Variants in CFAP52 observed in about 807,000 individuals in gnomAD.
CFAP52 encodes cilia and flagella associated protein 52.
A neutral mutation model predicts 70.5 loss-of-function variants in CFAP52; 57 were observed. The observed-to-expected ratio is 0.81, with a 90% CI of 0.65 to 1.01. The LOEUF (loss-of-function observed/expected upper bound fraction) is 1.01. Ranked by LOEUF, CFAP52 falls within the 50% of genes least tolerant of loss-of-function variation. The pLI, the probability that CFAP52 is intolerant of heterozygous loss-of-function variation, is 0.00. For synonymous variants in CFAP52, 267 were observed against 292.5 expected, an observed-to-expected ratio of 0.91 and a Z score of 0.89; for missense variants, 785 against 788.5, an observed-to-expected ratio of 1.00 and a Z score of 0.05.
chr17:9,608,886 G>C (rs904873340), intron 7 of CFAP52, among the ~76,000 whole-genome samples: 1 of 152,102 alleles, frequency 6.6e-6, no homozygotes, highest in Non-Finnish European at 1.5e-5. Context: ...TTGGGGCTAA[G>C]GTATGTACAC....
At chr17:9,625,625 C>T (rs1262429618) in intron 8 of CFAP52, among the ~76,000 whole-genome samples, 2 of 151,590 alleles carry the variant, frequency 1.3e-5, no homozygotes, top group Non-Finnish European at 3.0e-5. Flanking sequence ...TTTCTACAGC[C>T]ACCATAGCTG....
At position 9,612,323 on chromosome 17, in the gene CFAP52, A is replaced by G. The variant is rs1597784188; in HGVS notation, c.869A>G (p.Gln290Arg). 1.2e-6 allele frequency: 2 copies of G among 1,614,116 alleles called. No individual in the cohort carries two copies. Among genetic ancestry groups the G allele is most frequent in the Non-Finnish European group, 1.7e-6 (2 of 1,179,982 alleles). Residue 290 changes from glutamine (Q) to arginine (R), a missense_variant, in exon 8 of 14, where the codon CAA (glutamine) becomes CGA (arginine). Transcript: ENST00000352665. ...TCTCCCTAAAGGAAGATTCAGTTAC[A>G]AGGCGGCATCACTTCTATCACACTT... ...GYKPIKKIQL[Q>R]GGITSITLRG...
chr17:9,643,164 C>T lies in CFAP52; in HGVS notation c.1829C>T (p.Ala610Val). 1.9e-6 allele frequency: 3 copies of T among 1,612,062 alleles called. No homozygotes were observed. Among genetic ancestry groups the T allele is most frequent in the Non-Finnish European group, 2.5e-6 (3 of 1,179,166 alleles). The stretch of plus-strand genomic sequence containing the variant: ...ATTGTTAGTGTAAGTGCCGATGGAG[C>T]CATTTTGCGATGGAAGTACCCATAT... Reference protein sequence around the residue: ...QYIVSVSADGAILRWKYPYTS With the variant: ...QYIVSVSADGVILRWKYPYTS Residue 610 changes from alanine (A) to valine (V), a missense_variant, in exon 14 of 14, where the codon GCC becomes GTC. By Grantham distance (64) the Ala-to-Val change is moderately conservative (BLOSUM62 0). Coordinates refer to ENST00000352665, the MANE Select transcript of CFAP52 (RefSeq NM_145054.5).
intron 12 of CFAP52, among the ~76,000 whole-genome samples, chr17:9,640,347 T>A (rs938928948): frequency 2.6e-5 from 4 of 151,876 alleles, no homozygotes; most frequent in Admixed American, 6.6e-5. Flanking sequence ...CACCTCGGTA[T>A]TAAGCCCTGC....
chr17:9,608,108 T>C lies in CFAP52; in HGVS notation c.754-11T>C. ...TTTTGTGCTTTTTCTTAACACAGTT[T>C]TTCCCCCTAGGGAGTGTCAGCTATC... On this transcript the variant is annotated splice_polypyrimidine_tract_variant and intron_variant, in intron 6 of 13. Coordinates refer to ENST00000352665, the MANE Select transcript of CFAP52 (RefSeq NM_145054.5). 6 of 1,605,014 alleles carry C rather than the reference T, an allele frequency of 3.7e-6. No homozygotes were observed. Among genetic ancestry groups the C allele is most frequent in the Non-Finnish European group, 4.3e-6 (5 of 1,174,530 alleles).
intron 3 of CFAP52, among the ~76,000 whole-genome samples, chr17:9,589,589 C>T (rs1284777525): frequency 6.6e-6 from 1 of 151,948 alleles, no homozygotes; most frequent in Non-Finnish European, 1.5e-5. Flanking sequence ...AAAAATTAGC[C>T]GGGCATGGTG....
chr17:9,578,673 G>C (rs2033615935), intron 1 of CFAP52, among the ~76,000 whole-genome samples: 1 of 152,164 alleles, frequency 6.6e-6, no homozygotes, highest in African/African-American at 2.4e-5. Context: ...AGCCTCCAGA[G>C]TAGCTGGGAT....
Position 9,585,951 on chromosome 17 carries a change from A to G in CFAP52, c.249A>G (p.Gln83=). Residue 83 remains glutamine, a synonymous_variant, in exon 2 of 14, where the codon CAA becomes CAG. Transcript: ENST00000352665. ...SRSGEYIASG[Q]VTFMGFKADI... ...CTGGAGAGTACATCGCCTCCGGACA[A>G]GTCACATTCATGGGGTTCAAGGTGA... The G allele has an allele frequency of 6.2e-7, 1 of 1,613,502 alleles. No individual in the cohort carries two copies. The highest frequency in any genetic ancestry group is 8.5e-7 in the Non-Finnish European group (1 of 1,179,706).
chr17:9,612,196 G>C, intron 7 of CFAP52, 113 bp from the exon 8 acceptor site: 2 of 1,347,516 alleles, frequency 1.5e-6, no homozygotes, highest in South Asian at 2.7e-5. Context: ...TCACTTCTGT[G>C]AGGGCGTGTC....
intron 4 of CFAP52, among the ~76,000 whole-genome samples, chr17:9,594,682 A>C (rs542144873): frequency 1.4e-4 from 22 of 152,110 alleles, no homozygotes; most frequent in Non-Finnish European, 2.8e-4. Flanking sequence ...GGGTCTCATG[A>C]TCTGATAGTT....
chr17:9,600,143 T>C lies in CFAP52; in HGVS notation c.713T>C (p.Leu238Pro). The change falls in exon 6 of 14, where the codon CTG (leucine) becomes CCG (proline). Residue 238 changes from leucine (L) to proline (P), a missense_variant. Coordinates refer to ENST00000352665, the MANE Select transcript of CFAP52 (RefSeq NM_145054.5). ...DILKMNPRTK[L>P]LTDVGPAKDK... ...CTAAAAATGAACCCCAGGACTAAAC[T>C]GCTGACAGATGTTGGGCCTGCGAAG... 6.2e-7 allele frequency: 1 copy of C among 1,614,066 alleles called. No homozygotes were observed. The highest frequency in any genetic ancestry group is 8.5e-7 in the Non-Finnish European group (1 of 1,179,958).
intron 6 of CFAP52, among the ~76,000 whole-genome samples, chr17:9,601,585 G>A (rs1037009978): frequency 4.6e-5 from 7 of 152,022 alleles, no homozygotes; most frequent in Non-Finnish European, 8.8e-5. Flanking sequence ...TTACTAACTA[G>A]ATCTTAGATT....
chr17:9,576,694 G>C lies in CFAP52; in HGVS notation c.-2G>C, dbSNP rs775171372. 1 of 1,611,806 alleles carries C rather than the reference G, an allele frequency of 6.2e-7. No homozygotes were observed. Among genetic ancestry groups the C allele is most frequent in the East Asian group, 2.2e-5 (1 of 44,638 alleles). On this transcript the variant is annotated 5_prime_UTR_variant, in exon 1 of 14. Coordinates refer to ENST00000352665, the MANE Select transcript of CFAP52 (RefSeq NM_145054.5). ...GAGCAAAGTAATCAGAACCTCCCAA[G>C]GATGGATAACAAAATTTCGCCGGAG... is the stretch of plus-strand genomic sequence containing the variant.
intron 8 of CFAP52, among the ~76,000 whole-genome samples, chr17:9,623,972 A>C (rs1158743759): frequency 1.3e-5 from 2 of 152,202 alleles, no homozygotes; most frequent in Admixed American, 6.6e-5. Context: ...CACTGGTTAC[A>C]GAATTCTTGC....
rs76653197 is a variant in CFAP52, at chr17:9,623,566, G to A, written c.1026-5106G>A. On this transcript the variant is annotated intron_variant, in intron 8 of 13. Transcript: ENST00000352665. ...AGAAAAAATTTAAAATGTCTTGTGT[G>A]CTTACTTATATATTTGACTATTTCT... Among the ~76,000 whole-genome samples the A allele has an allele frequency of 3.0e-3, 454 of 152,252 alleles. 5 individuals carry two copies. The highest frequency in any genetic ancestry group is 0.01 in the Middle Eastern group (3 of 294).
intron 3 of CFAP52, among the ~76,000 whole-genome samples, chr17:9,593,646 G>A (rs1314204436): frequency 2.6e-5 from 4 of 151,874 alleles, no homozygotes; most frequent in Non-Finnish European, 5.9e-5. Context: ...AGTAAAGATG[G>A]GTTTTCACCA....
intron 6 of CFAP52, among the ~76,000 whole-genome samples, chr17:9,604,872 G>A (rs1259713656): frequency 6.6e-6 from 1 of 152,160 alleles, no homozygotes; most frequent in Non-Finnish European, 1.5e-5. Flanking sequence ...GCCGGGAAAT[G>A]TAATTAAAAC....
chr17:9,637,313 A>G (rs1358765271), intron 11 of CFAP52, among the ~76,000 whole-genome samples: 2 of 152,158 alleles, frequency 1.3e-5, no homozygotes, highest in Non-Finnish European at 2.9e-5. Context: ...ACTTATTTCT[A>G]TGGATGCTTT....
chr17:9,594,892 G>GGT (rs1324858002), intron 4 of CFAP52, among the ~76,000 whole-genome samples: 1 of 39,008 alleles, frequency 2.6e-5, no homozygotes. Flanking sequence ...AATTAGGGAG[G>GGT]GTTTTTTTTT....
Sources: gnomAD v4.1 joint callset for allele counts (sites outside exome capture counted in the v4.1 genomes callset) on GRCh38, gnomAD v4.1.1 for gene constraint, MANE v1.5 for transcripts, NCBI Gene and HGNC (gene_info 2026-07-23, HGNC 2026-07-21) for gene names.